ANKFN1: variants seen among roughly 807,000 people sequenced by gnomAD.
ANKFN1 encodes ankyrin repeat and fibronectin type III domain containing 1.
ANKFN1 carries 74 observed loss-of-function variants against 108.7 expected under a neutral mutation model. The ratio of observed to expected loss-of-function variants is 0.68; its 90% CI spans 0.56 to 0.83. The LOEUF is 0.83. Among genes scored for constraint, ANKFN1 ranks in the 40% least tolerant of loss-of-function variants. The pLI, the probability that ANKFN1 is intolerant of heterozygous loss-of-function variation, is 0.00. For missense variants in ANKFN1, 1,505 were observed against 1,382.3 expected (o/e 1.09, Z -1.41); for synonymous variants, 547 against 516.2 (o/e 1.06, Z -0.81).
chr17:56,260,273 G>C (rs2043473850), intron 3 of ANKFN1, among the ~76,000 whole-genome samples: 1 of 152,206 alleles, frequency 6.6e-6, no homozygotes. Flanking sequence ...AAGTGTAAAT[G>C]AATCAGAGGC....
intron 7 of ANKFN1, among the ~76,000 whole-genome samples, chr17:56,373,268 T>G (rs146411691): frequency 9.2e-5 from 14 of 152,344 alleles, no homozygotes; most frequent in African/African-American, 3.1e-4. Flanking sequence ...TTTTTTTATA[T>G]AGAGCTATAA....
Position 56,094,677 on chromosome 17 carries a change from T to G in ANKFN1, c.288+48352T>G, listed in dbSNP as rs1905493617. Among the ~76,000 whole-genome samples, 3 of 83,900 alleles carry G rather than the reference T, an allele frequency of 3.6e-5. No individual in the cohort carries two copies. In the Admixed American group the frequency reaches 5.2e-4, roughly 14 times the overall value. 55.0% of individuals were successfully genotyped at this position (83,900 alleles called of 152,430 possible). On this transcript the variant is annotated intron_variant, in intron 4 of 12. Coordinates refer to the ANKFN1 transcript ENST00000635860. ...CACCACCACGCCCAGCTAATTGGGT[T>G]TTTTTTTTTTTTTTTTGTATTTTTA...
At chr17:56,444,883 C>T (rs2049232815) in intron 10 of ANKFN1, among the ~76,000 whole-genome samples, 1 of 152,246 alleles carries the variant, frequency 6.6e-6, no homozygotes, top group South Asian at 2.1e-4. Context: ...AACTAGTGCC[C>T]TGCTATCAGG....
chr17:56,110,225 A>G (rs574252799), intron 4 of ANKFN1, among the ~76,000 whole-genome samples: 18 of 152,298 alleles, frequency 1.2e-4, no homozygotes, highest in African/African-American at 4.1e-4. Flanking sequence ...TTCTTCCCTG[A>G]ACACACCATA....
intron 4 of ANKFN1, among the ~76,000 whole-genome samples, chr17:56,099,887 G>A (rs1490959583): frequency 6.6e-6 from 1 of 152,174 alleles, no homozygotes; most frequent in Non-Finnish European, 1.5e-5. Flanking sequence ...CTTTACAGAA[G>A]GACATTCACT....
chr17:56,475,442 A>G (rs893816089), intron 15 of ANKFN1, among the ~76,000 whole-genome samples: 2 of 152,188 alleles, frequency 1.3e-5, no homozygotes, highest in African/African-American at 4.8e-5. Flanking sequence ...GCAGATGGTT[A>G]ATTCTACAGA....
At chr17:56,072,732 T>TA (rs1567781622) in intron 4 of ANKFN1, among the ~76,000 whole-genome samples, 2 of 152,236 alleles carry the variant, frequency 1.3e-5, no homozygotes, top group African/African-American at 4.8e-5. Context: ...TAGCACAGGC[T>TA]CTGGCCTGTA....
At chr17:56,262,549 G>T (rs1217536020) in intron 3 of ANKFN1, among the ~76,000 whole-genome samples, 1 of 152,174 alleles carries the variant, frequency 6.6e-6, no homozygotes, top group Non-Finnish European at 1.5e-5. Flanking sequence ...AAGACTTTCA[G>T]CAACCGTATT....
chr17:56,332,533 T>G (rs2045694279), intron 4 of ANKFN1, among the ~76,000 whole-genome samples: 1 of 152,204 alleles, frequency 6.6e-6, no homozygotes, highest in East Asian at 1.9e-4. Context: ...TCTAGTACAA[T>G]TTGTTGAAAA....
intron 8 of ANKFN1, among the ~76,000 whole-genome samples, chr17:56,422,067 A>G (rs1163923721): frequency 6.6e-6 from 1 of 152,166 alleles, no homozygotes; most frequent in African/African-American, 2.4e-5. Flanking sequence ...GATATTTCCA[A>G]AGTCTTCTGA....
At chr17:56,324,237 G>A (rs1311814455) in intron 3 of ANKFN1, among the ~76,000 whole-genome samples, 2 of 152,154 alleles carry the variant, frequency 1.3e-5, no homozygotes, top group African/African-American at 4.8e-5. Flanking sequence ...GTATGTCAGG[G>A]AGTTTATACT....
At chr17:56,156,964 C>T (rs1394358788) in intron 1 of ANKFN1, among the ~76,000 whole-genome samples, 2 of 152,168 alleles carry the variant, frequency 1.3e-5, no homozygotes, top group Non-Finnish European at 1.5e-5. Flanking sequence ...TTTGCCAGCC[C>T]CCCATCTACA....
At chr17:56,454,527 A>G (rs553816573) in intron 11 of ANKFN1, among the ~76,000 whole-genome samples, 1 of 152,278 alleles carries the variant, frequency 6.6e-6, no homozygotes, top group South Asian at 2.1e-4. Flanking sequence ...CTCAGATTTC[A>G]GAGAAGGGAA....
chr17:56,436,302 C>T (rs2048926950), intron 8 of ANKFN1, among the ~76,000 whole-genome samples: 1 of 152,286 alleles, frequency 6.6e-6, no homozygotes, highest in Admixed American at 6.5e-5. Context: ...TTGTCGAATA[C>T]CTTTCTTGCT....
chr17:56,389,456 T>C (rs1295281162), intron 8 of ANKFN1, among the ~76,000 whole-genome samples: 2 of 152,244 alleles, frequency 1.3e-5, no homozygotes, highest in Non-Finnish European at 2.9e-5. Context: ...AAATACCTTG[T>C]TTACCTTTTA....
chr17:56,289,277 G>T (rs1221726750), intron 3 of ANKFN1, among the ~76,000 whole-genome samples: 4 of 152,162 alleles, frequency 2.6e-5, no homozygotes, highest in Non-Finnish European at 4.4e-5. Flanking sequence ...AGTCCTAGAA[G>T]TTGCTTTGTA....
At chr17:56,454,045 AT>A (rs2049592088) in intron 11 of ANKFN1, among the ~76,000 whole-genome samples, 1 of 152,076 alleles carries the variant, frequency 6.6e-6, no homozygotes, top group Non-Finnish European at 1.5e-5. Context: ...ATTGTGAGAC[AT>A]TTTCTTAAAT....
intron 4 of ANKFN1, among the ~76,000 whole-genome samples, chr17:56,133,775 A>T (rs1907427604): frequency 6.7e-6 from 1 of 149,100 alleles, no homozygotes; most frequent in Non-Finnish European, 1.5e-5. Context: ...TAAGAAAAAT[A>T]AATCCAAAGT....
chr17:56,510,980 C>T lies in ANKFN1; in HGVS notation c.3152C>T (p.Ala1051Val), dbSNP rs754445890. The T allele has an allele frequency of 8.3e-5, 128 of 1,535,998 alleles. No individual in the cohort carries two copies. The East Asian group carries it at 2.6e-3, about 31-fold the overall frequency. The change falls in exon 21 of 21, where the codon GCC (alanine) becomes GTC (valine). Residue 1051 changes from alanine to valine, a missense_variant. By Grantham distance (64) the Ala-to-Val change is moderately conservative (BLOSUM62 0). Coordinates refer to ENST00000682825, the MANE Select transcript of ANKFN1 (RefSeq NM_001370326.1). ...GGTCTGGCCCAGGAGCCCAAGGAGG[C>T]CAAGCGGGCCGGCCCTGCCCTTGAT... ...ACGLAQEPKEAKRAGPALDDP... is the reference protein window; with the variant it reads ...ACGLAQEPKEVKRAGPALDDP...
Sources: allele counts gnomAD v4.1 joint callset (sites outside exome capture counted in the v4.1 genomes callset), GRCh38; gene constraint gnomAD v4.1.1; transcripts MANE v1.5; gene names NCBI Gene and HGNC (gene_info 2026-07-23, HGNC 2026-07-21).